SMARCD3: variants seen among roughly 807,000 people sequenced by gnomAD.
The protein encoded by SMARCD3 is SWI/SNF related BAF chromatin remodeling complex subunit D3, also known as SWI/SNF-related matrix-associated actin-dependent regulator of chromatin subfamily D member 3.
In SMARCD3, 14 loss-of-function variants were observed where a neutral mutation model predicts 58.0. The ratio of observed to expected loss-of-function variants is 0.24; its 90% CI spans 0.16 to 0.38. The LOEUF is 0.38. SMARCD3 is among the 10% of genes least tolerant of loss of function. The probability of loss-of-function intolerance (pLI) is 1.00; values close to 1 mark genes in which losing one functional copy is unlikely to be tolerated. For missense variants in SMARCD3, 408 were observed against 636.9 expected (o/e 0.64, Z 3.87); for synonymous variants, 253 against 253.8 (o/e 1.00, Z 0.03).
chr7:151,262,557 G>A (rs1237030620), intron 2 of SMARCD3, among the ~76,000 whole-genome samples: 2 of 152,244 alleles, frequency 1.3e-5, no homozygotes, highest in Non-Finnish European at 2.9e-5. Flanking sequence ...GGCAGCTCCT[G>A]GGAAGTACTG....
rs754782541 is a variant in SMARCD3, at chr7:151,243,693, C to T, written c.299G>A (p.Arg100Lys). ...GAGGATTTTGTCAGCCATCTTCCTCCTCTTGGCACTGTACATTTTTTAAAG... is the reference window on the plus strand; with the variant it reads ...GAGGATTTTGTCAGCCATCTTCCTCTTCTTGGCACTGTACATTTTTTAAAG... ...TAPARSRSAK[R>K]RKMADKILPQ... The change falls in exon 3 of 13, where the codon AGG (arginine) becomes AAG (lysine). Residue 100 changes from arginine to lysine, a missense_variant. By Grantham distance (26) the Arg-to-Lys change is conservative. Coordinates refer to ENST00000262188, the MANE Select transcript of SMARCD3 (RefSeq NM_001003801.2). This position sits in a 1 kb window ranked among gnomAD's most constrained non-coding sequence, Gnocchi z 4.4. 1.2e-6 allele frequency: 2 copies of T among 1,610,938 alleles called. No homozygotes were observed. Among genetic ancestry groups the T allele is most frequent in the South Asian group, 1.1e-5 (1 of 91,020 alleles).
chr7:151,264,172 C>T (rs1327474495), intron 2 of SMARCD3, among the ~76,000 whole-genome samples: 1 of 151,758 alleles, frequency 6.6e-6, no homozygotes, highest in East Asian at 1.9e-4. Flanking sequence ...GATTCTCCTG[C>T]CTCAGCCTCC....
At chr7:151,248,769 G>GC, upstream of SMARCD3, 1 of 929,794 alleles carries the variant, frequency 1.1e-6, no homozygotes, top group Non-Finnish European at 1.3e-6. This position sits in a 1 kb window ranked among gnomAD's most constrained non-coding sequence, Gnocchi z 6.1. Flanking sequence ...CGCCGCCGCC[G>GC]CCGCCGCGGC....
chr7:151,269,395 T>A (rs887348630), intron 2 of SMARCD3, among the ~76,000 whole-genome samples: 2 of 152,324 alleles, frequency 1.3e-5, no homozygotes, highest in East Asian at 1.9e-4. Context: ...CCCTGAGCCA[T>A]CTCCAGGGAC....
rs770663980 is a variant in SMARCD3 at position 151,242,627 on chromosome 7, G to C, written c.457-24C>G. Reference sequence around the variant, plus strand: ...TGCTGTAGAAATAGAGTGCAGAACCGGGCGAATGCTGTGTGCTCCCACCCC... The same window carrying C: ...TGCTGTAGAAATAGAGTGCAGAACCCGGCGAATGCTGTGTGCTCCCACCCC... On this transcript the variant is annotated intron_variant, in intron 4 of 12. Transcript: ENST00000262188. The surrounding 1 kb of genome is among the most constrained non-coding windows in gnomAD (Gnocchi z 4.7). The C allele has an allele frequency of 1.9e-6, 3 of 1,611,938 alleles. No homozygotes were observed. The highest frequency in any genetic ancestry group is 1.7e-6 in the Non-Finnish European group (2 of 1,178,116).
intron 2 of SMARCD3, among the ~76,000 whole-genome samples, chr7:151,265,228 C>A (rs1804044207): frequency 6.6e-6 from 1 of 152,266 alleles, no homozygotes; most frequent in East Asian, 1.9e-4. Flanking sequence ...TTAGGGTGGG[C>A]CCTCATCCAA....
Position 151,242,840 on chromosome 7 carries a change from G to T in SMARCD3, c.337C>A (p.Arg113=). 3 of 1,614,056 alleles carry T rather than the reference G, an allele frequency of 1.9e-6. No individual in the cohort carries two copies. The highest frequency in any genetic ancestry group is 3.3e-4 in the Middle Eastern group (2 of 6,062). ...GCCTGGGACTCGGGGACCAGCTCCC[G>T]AATCTGGAGAAGGAGGAGCAGGGCA... ...MADKILPQRI[R]ELVPESQAYM... is the part of the protein sequence containing the mutation. Residue 113 remains arginine (R), a synonymous_variant, in exon 4 of 13, where the codon CGG becomes AGG. Transcript: ENST00000262188. The surrounding 1 kb of genome is among the most constrained non-coding windows in gnomAD (Gnocchi z 4.7).
chr7:151,258,581 GA>G (rs1464682841), intron 2 of SMARCD3, among the ~76,000 whole-genome samples: 2 of 132,980 alleles, frequency 1.5e-5, no homozygotes, highest in Admixed American at 7.7e-5. Context: ...AAAAAAAAAA[GA>G]AAAAGAAAAA....
chr7:151,242,552 G>C lies in SMARCD3; in HGVS notation c.508C>G (p.Pro170Ala). The change falls in exon 5 of 13, where the codon CCT (proline) becomes GCT (alanine). Residue 170 changes from proline to alanine, a missense_variant. Transcript: ENST00000262188. This position sits in a 1 kb window ranked among gnomAD's most constrained non-coding sequence, Gnocchi z 4.7. ...YISNTFNPAK[P>A]DAEDSDGSIA... ...CTGCCGTCGGAATCCTCAGCATCAG[G>C]CTTCGCAGGGTTAAAAGTGTTGGAG... 5 of 1,614,118 alleles carry C rather than the reference G, an allele frequency of 3.1e-6. No individual in the cohort carries two copies. Among genetic ancestry groups the C allele is most frequent in the Non-Finnish European group, 4.2e-6 (5 of 1,180,002 alleles).
chr7:151,242,290 A>G lies in SMARCD3; in HGVS notation c.580-58T>C. 6.8e-7 allele frequency: 1 copy of G among 1,477,254 alleles called. No individual in the cohort carries two copies. The highest frequency in any genetic ancestry group is 9.5e-7 in the Non-Finnish European group (1 of 1,055,672). The allele number at this position is 1,477,254 out of a possible 1,614,324, so 91.5% of individuals were successfully genotyped here. Reference sequence around the variant, plus strand: ...AACAGGGACGAGGTGGGAGGAGCAGAAGGAGGCCAAGTTGGCAGCCGACAG... The same window carrying G: ...AACAGGGACGAGGTGGGAGGAGCAGGAGGAGGCCAAGTTGGCAGCCGACAG... On this transcript the variant is annotated intron_variant, in intron 5 of 12. Coordinates refer to ENST00000262188, the MANE Select transcript of SMARCD3 (RefSeq NM_001003801.2). The surrounding 1 kb of genome is among the most constrained non-coding windows in gnomAD (Gnocchi z 4.7).
chr7:151,250,088 A>G (rs79323332), upstream of SMARCD3, among the ~76,000 whole-genome samples: 8 of 152,166 alleles, frequency 5.3e-5, no homozygotes, highest in Non-Finnish European at 1.0e-4. Context: ...TGAAGACTGA[A>G]GGGTACTGAC....
At chr7:151,249,134 G>A (rs1803420178), upstream of SMARCD3, among the ~76,000 whole-genome samples, 1 of 152,144 alleles carries the variant, frequency 6.6e-6, no homozygotes, top group Admixed American at 6.5e-5. This position sits in a 1 kb window ranked among gnomAD's most constrained non-coding sequence, Gnocchi z 4.8. Flanking sequence ...GCATTTCTGA[G>A]GCCCTTTCCC....
Position 151,248,458 on chromosome 7 carries a change from C to G in SMARCD3, c.78+27G>C, listed in dbSNP as rs781240690. 2.5e-6 allele frequency: 4 copies of G among 1,593,712 alleles called. No individual in the cohort carries two copies. The South Asian group carries it at 4.4e-5, about 18-fold the overall frequency. ...TTCAGCCCGAGCCAGCTCGCTTGCC[C>G]TCCCCCGCTAACTTTCCCCCACTCA... On this transcript the variant is annotated intron_variant, in intron 1 of 12. Transcript: ENST00000262188. This position sits in a 1 kb window ranked among gnomAD's most constrained non-coding sequence, Gnocchi z 6.1.
Position 151,243,753 on chromosome 7 carries a change from G to A in SMARCD3, c.291-52C>T, listed in dbSNP as rs772823227. ...GGTTACCATGGCGACAGATCTGGGC[G>A]TAACGAGGCCACCTGCTAGATTATC... On this transcript the variant is annotated intron_variant, in intron 2 of 12. Coordinates refer to ENST00000262188, the MANE Select transcript of SMARCD3 (RefSeq NM_001003801.2). This position sits in a 1 kb window ranked among gnomAD's most constrained non-coding sequence, Gnocchi z 4.4. The A allele has an allele frequency of 1.2e-5, 16 of 1,283,424 alleles. No individual in the cohort carries two copies. The highest frequency in any genetic ancestry group is 5.9e-5 in the South Asian group (5 of 84,392). The allele number at this position is 1,283,424 out of a possible 1,614,324, so 79.5% of individuals were successfully genotyped here. A position where few individuals can be genotyped will look rare whatever the true frequency, so the allele number is the denominator to read the frequency against.
intron 2 of SMARCD3, among the ~76,000 whole-genome samples, chr7:151,255,514 G>C (rs1803671676): frequency 6.6e-6 from 1 of 152,098 alleles, no homozygotes. Context: ...CTCCTGTCCA[G>C]CCTGCTGCAT....
rs139732144 is a variant in SMARCD3, at chr7:151,260,623, C to T, written c.39+14491G>A. ...TGAATCCCATGGTGACACGCCACCC[C>T]GCCCCCTACCTGGACCTCAGTCGGC... On this transcript the variant is annotated intron_variant, in intron 2 of 13. Coordinates refer to the SMARCD3 transcript ENST00000356800. 2.8e-3 allele frequency among the ~76,000 whole-genome samples: 432 copies of T among 152,282 alleles called. 10 individuals carry two copies. The highest frequency in any genetic ancestry group is 0.025 in the Admixed American group (385 of 15,298).
At chr7:151,276,914 C>G (rs1258214485), upstream of SMARCD3, among the ~76,000 whole-genome samples, 2 of 34,226 alleles carry the variant, frequency 5.8e-5, no homozygotes, top group African/African-American at 2.3e-4. Flanking sequence ...GGATGCCAGG[C>G]AGGGGGAGGA....
chr7:151,248,469 A>C lies in SMARCD3; in HGVS notation c.78+16T>G. On this transcript the variant is annotated intron_variant, in intron 1 of 12. Coordinates refer to ENST00000262188, the MANE Select transcript of SMARCD3 (RefSeq NM_001003801.2). The surrounding 1 kb of genome is among the most constrained non-coding windows in gnomAD (Gnocchi z 6.1). ...CCAGCTCGCTTGCCCTCCCCCGCTA[A>C]CTTTCCCCCACTCACCACCCCATGG... is the stretch of plus-strand genomic sequence containing the variant. The C allele has an allele frequency of 1.2e-6, 2 of 1,602,342 alleles. No homozygotes were observed. Among genetic ancestry groups the C allele is most frequent in the South Asian group, 1.1e-5 (1 of 90,672 alleles).
chr7:151,270,995 C>A (rs901848511), intron 2 of SMARCD3, among the ~76,000 whole-genome samples: 1 of 152,154 alleles, frequency 6.6e-6, no homozygotes, highest in Non-Finnish European at 1.5e-5. Flanking sequence ...CAGGTCTGGA[C>A]CTGAGCCTCA....
Sources: allele counts gnomAD v4.1 joint callset (sites outside exome capture counted in the v4.1 genomes callset), GRCh38; gene constraint gnomAD v4.1.1; non-coding constraint Gnocchi (gnomAD v3.1); transcripts MANE v1.5; gene names NCBI Gene and HGNC (gene_info 2026-07-23, HGNC 2026-07-21).